MTMR10: variants seen among roughly 807,000 people sequenced by gnomAD.
MTMR10 encodes the protein myotubularin-related protein 10.
In MTMR10, 56 loss-of-function variants were observed where a neutral mutation model predicts 88.1. That is an observed-to-expected ratio of 0.64 (90% CI 0.51 to 0.79). The LOEUF (loss-of-function observed/expected upper bound fraction) is 0.79, where lower values mean the gene tolerates loss of function less well. Ranked by LOEUF, MTMR10 falls within the 30% of genes least tolerant of loss-of-function variation. The pLI is 0.00. For missense variants in MTMR10, 883 were observed against 924.7 expected, an observed-to-expected ratio of 0.95 and a Z score of 0.58; for synonymous variants, 380 against 340.9, an observed-to-expected ratio of 1.11 and a Z score of -1.26.
chr15:30,945,530 G>A (rs972788318), intron 14 of MTMR10, among the ~76,000 whole-genome samples: 5 of 119,750 alleles, frequency 4.2e-5, no homozygotes, highest in African/African-American at 1.2e-4. Context: ...CTCGCCTCAC[G>A]CACCTTTTGC....
intron 14 of MTMR10, 72 bp from the exon 15 acceptor site, chr15:30,943,144 C>CTCA (rs2063108178): frequency 6.7e-7 from 1 of 1,494,026 alleles, no homozygotes; most frequent in Non-Finnish European, 8.9e-7. Flanking sequence ...AGATGAGCCA[C>CTCA]TCATCATTAC....
intron 2 of MTMR10, 132 bp downstream of exon 2, chr15:30,990,645 C>G (rs1182607722): frequency 1.4e-6 from 1 of 736,390 alleles, no homozygotes; most frequent in African/African-American, 1.8e-5. Flanking sequence ...TTTCTCCTCT[C>G]AGTCACTAGA....
At chr15:30,988,175 G>A (rs1047804281) in intron 2 of MTMR10, among the ~76,000 whole-genome samples, 1 of 152,106 alleles carries the variant, frequency 6.6e-6, no homozygotes, top group Non-Finnish European at 1.5e-5. Flanking sequence ...TGTGACAGGC[G>A]AGGTAAAGCA....
chr15:30,952,743 C>T (rs60099440), intron 11 of MTMR10, among the ~76,000 whole-genome samples: 1 of 152,216 alleles, frequency 6.6e-6, no homozygotes, highest in East Asian at 1.9e-4. Flanking sequence ...ATCTTCCTCC[C>T]CAGAGCTTTG....
rs558867163 is a variant in MTMR10 at position 30,947,418 on chromosome 15, A to G, written c.1378-118T>C. On this transcript the variant is annotated intron_variant, in intron 13 of 15. Transcript: ENST00000435680. The stretch of plus-strand genomic sequence containing the variant: ...ATGAATGAGAAAACATCGAAGCCTA[A>G]AACACTTGCCTTCTAAGCTGAGCTA... 562 of 1,203,036 alleles carry G rather than the reference A, an allele frequency of 4.7e-4. 1 individual carries two copies. The highest frequency in any genetic ancestry group is 1.0e-3 in the Admixed American group (37 of 36,826). 74.5% of individuals were successfully genotyped at this position (1,203,036 alleles called of 1,614,324 possible).
intron 5 of MTMR10, among the ~76,000 whole-genome samples, chr15:30,971,672 TTATC>T (rs1361768779): frequency 1.3e-5 from 2 of 150,084 alleles, no homozygotes; most frequent in Admixed American, 6.6e-5. Context: ...ATATTTATCT[TTATC>T]TACACAGACA....
Position 30,958,890 on chromosome 15 carries a change from A to C in MTMR10, c.908T>G (p.Val303Gly). Residue 303 changes from valine (V) to glycine (G), a missense_variant, in exon 9 of 16, where the codon GTG becomes GGG. Transcript: ENST00000435680. ...CTGGTCAATCTTCCTCTGCTGCAGC[A>C]CGTCTTTGATGAGGGCCATTCGCAC... ...ALVRMALIKD[V>G]LQQRKIDQRI... 2 of 1,613,912 alleles carry C rather than the reference A, an allele frequency of 1.2e-6. No homozygotes were observed. Among genetic ancestry groups the C allele is most frequent in the South Asian group, 1.1e-5 (1 of 91,068 alleles).
intron 9 of MTMR10, among the ~76,000 whole-genome samples, chr15:30,957,138 T>C (rs1258999213): frequency 6.6e-6 from 1 of 152,208 alleles, no homozygotes; most frequent in Non-Finnish European, 1.5e-5. Context: ...ATAAGCCTGT[T>C]TTATAAGATC....
chr15:30,954,960 T>TATAG, intron 9 of MTMR10, 67 bp from the exon 10 acceptor site: 1 of 1,369,982 alleles, frequency 7.3e-7, no homozygotes, highest in Non-Finnish European at 9.8e-7. Context: ...TAACCCTTAC[T>TATAG]ATAGACCAGG....
intron 2 of MTMR10, among the ~76,000 whole-genome samples, chr15:30,989,783 C>G (rs1211280465): frequency 2.0e-5 from 3 of 151,904 alleles, no homozygotes; most frequent in Admixed American, 2.0e-4. Flanking sequence ...GATGGGGTTT[C>G]ACCGTGTTAG....
chr15:30,950,121 T>C (rs1426837290), intron 12 of MTMR10: 2 of 152,306 alleles, frequency 1.3e-5, no homozygotes, highest in Admixed American at 6.5e-5. Context: ...TCAGTGCTAC[T>C]TCTGAGGCCT....
chr15:30,933,635 C>A, the MTMR10 span, among the ~76,000 whole-genome samples: 1 of 152,106 alleles, frequency 6.6e-6, no homozygotes, highest in African/African-American at 2.4e-5. Context: ...TCAATTAGGT[C>A]AAGTTGGTTG....
Position 30,991,575 on chromosome 15 carries a change from G to A in MTMR10, c.-69C>T. On this transcript the variant is annotated 5_prime_UTR_variant, in exon 1 of 16. Transcript: ENST00000435680. ...CAGCGCCGACGCCTCCGGGCGTAAA[G>A]CTCTCAGTGCGGCCGCCCAGGCCCT... 1 of 1,502,720 alleles carries A rather than the reference G, an allele frequency of 6.7e-7. No individual in the cohort carries two copies. Among genetic ancestry groups the A allele is most frequent in the South Asian group, 1.3e-5 (1 of 76,104 alleles). 93.1% of individuals were successfully genotyped at this position (1,502,720 alleles called of 1,614,324 possible). A position where few individuals can be genotyped will look rare whatever the true frequency, so the allele number is the denominator to read the frequency against.
At chr15:30,945,621 A>G (rs1007370534) in intron 14 of MTMR10, among the ~76,000 whole-genome samples, 2 of 152,178 alleles carry the variant, frequency 1.3e-5, no homozygotes, top group African/African-American at 4.8e-5. Flanking sequence ...CCAGGGGGAA[A>G]GCCTAGCTCG....
chr15:30,930,615 T>C, the MTMR10 span: 1 of 1,612,960 alleles, frequency 6.2e-7, no homozygotes, highest in Non-Finnish European at 8.5e-7. Flanking sequence ...CTTTCGACAC[T>C]GTCGAGGGGG....
chr15:30,930,544 A>G, the MTMR10 span: 1 of 1,593,172 alleles, frequency 6.3e-7, no homozygotes, highest in Non-Finnish European at 8.5e-7. Flanking sequence ...TGTGTTCAGG[A>G]TCTTGTCTCC....
At chr15:30,937,498 C>G (rs577456121), downstream of MTMR10, among the ~76,000 whole-genome samples, 13 of 134,966 alleles carry the variant, frequency 9.6e-5, no homozygotes, top group East Asian at 2.6e-3. Context: ...GTCACCCAGG[C>G]TGGAGTGCAG....
intron 10 of MTMR10, 59 bp downstream of exon 10, chr15:30,954,704 C>T (rs2063297472): frequency 2.1e-6 from 3 of 1,426,580 alleles, no homozygotes; most frequent in Non-Finnish European, 2.8e-6. Context: ...CTTTTCCTGA[C>T]ATCTCATGCA....
At chr15:30,981,308 G>A (rs1026410405) in intron 2 of MTMR10, among the ~76,000 whole-genome samples, 5 of 152,220 alleles carry the variant, frequency 3.3e-5, no homozygotes, top group Non-Finnish European at 5.9e-5. Flanking sequence ...AAACAGTACA[G>A]AAAAGGAAAA....
Sources: allele counts gnomAD v4.1 joint callset (sites outside exome capture counted in the v4.1 genomes callset), GRCh38; gene constraint gnomAD v4.1.1; transcripts MANE v1.5; gene names NCBI Gene and HGNC (gene_info 2026-07-23, HGNC 2026-07-21).